EYS: variants seen among roughly 807,000 people sequenced by gnomAD.
EYS encodes EGF-like photoreceptor maintenance factor.
EYS carries 250 observed loss-of-function variants against 282.1 expected under a neutral mutation model. The observed-to-expected ratio is 0.89, with a 90% CI of 0.80 to 0.98. The LOEUF (loss-of-function observed/expected upper bound fraction) is 0.98. Ranked by LOEUF, EYS falls within the 50% of genes least tolerant of loss-of-function variation. EYS has a pLI of 0.00. For synonymous variants in EYS, 1,355 were observed against 1,282.9 expected (o/e 1.06, Z -1.20); for missense variants, 4,016 against 3,709.0 (o/e 1.08, Z -2.15).
chr6:64,558,240 CT>C (rs138993256), intron 26 of EYS, among the ~76,000 whole-genome samples: 4,601 of 152,120 alleles, frequency 0.03, 152 homozygotes, highest in East Asian at 0.11. Context: ...CATGAGCATT[CT>C]GCTTTACAAA....
At chr6:64,762,311 AG>A (rs1192313944) in intron 22 of EYS, among the ~76,000 whole-genome samples, 2 of 152,232 alleles carry the variant, frequency 1.3e-5, no homozygotes, top group African/African-American at 4.8e-5. Context: ...AGAAGGCAAA[AG>A]CTAACTACTA....
chr6:64,168,028 C>T (rs772779444), intron 31 of EYS, among the ~76,000 whole-genome samples: 31 of 152,094 alleles, frequency 2.0e-4, no homozygotes, highest in Non-Finnish European at 4.0e-4. Flanking sequence ...TTTGGGAGGC[C>T]GAGGCAGGCG....
At chr6:63,900,989 C>A (rs1031369828) in intron 35 of EYS, among the ~76,000 whole-genome samples, 1 of 152,076 alleles carries the variant, frequency 6.6e-6, no homozygotes, top group Non-Finnish European at 1.5e-5. Flanking sequence ...AAGTATGAGA[C>A]CTGCAAAGAA....
At chr6:64,196,575 T>C (rs1765293944) in intron 31 of EYS, among the ~76,000 whole-genome samples, 1 of 152,102 alleles carries the variant, frequency 6.6e-6, no homozygotes, top group Non-Finnish European at 1.5e-5. Context: ...TGAAAAATGA[T>C]GAGTTCATGT....
intron 12 of EYS, among the ~76,000 whole-genome samples, chr6:65,195,572 G>A (rs1188756815): frequency 6.6e-6 from 1 of 151,982 alleles, no homozygotes; most frequent in Non-Finnish European, 1.5e-5. Context: ...AGTAGATTGA[G>A]AAATTTTGAG....
At chr6:65,544,939 A>G (rs1339476709) in intron 2 of EYS, among the ~76,000 whole-genome samples, 1 of 152,158 alleles carries the variant, frequency 6.6e-6, no homozygotes, top group African/African-American at 2.4e-5. Context: ...AGAACTGATA[A>G]TCACAAGACA....
intron 9 of EYS, among the ~76,000 whole-genome samples, chr6:65,352,975 C>T (rs2150326759): frequency 6.6e-6 from 1 of 151,982 alleles, no homozygotes; most frequent in Admixed American, 6.6e-5. Flanking sequence ...TCTGCCATGA[C>T]ATTATTCTCT....
chr6:64,610,162 C>T (rs1277909241), intron 24 of EYS, among the ~76,000 whole-genome samples: 1 of 151,924 alleles, frequency 6.6e-6, no homozygotes, highest in Non-Finnish European at 1.5e-5. Context: ...GAAACAGGCT[C>T]AGAGAATTTT....
chr6:65,465,407 G>T lies in EYS; in HGVS notation c.862+25187C>A, dbSNP rs185726866. ...TGGGAAAATCACTTGAATCCAGGAG[G>T]TCCAGGTGGCAGTGAGCCACGATTG... On this transcript the variant is annotated intron_variant, in intron 5 of 42. Coordinates refer to ENST00000503581, the MANE Select transcript of EYS (RefSeq NM_001142800.2). Among the ~76,000 whole-genome samples the T allele has an allele frequency of 5.9e-5, 9 of 152,016 alleles. No individual in the cohort carries two copies. The East Asian group carries it at 1.7e-3, about 29-fold the overall frequency.
intron 31 of EYS, among the ~76,000 whole-genome samples, chr6:64,139,075 G>T (rs952718348): frequency 6.6e-6 from 1 of 151,910 alleles, no homozygotes; most frequent in African/African-American, 2.4e-5. Context: ...AAATAAAACA[G>T]GTACAGCATA....
intron 12 of EYS, among the ~76,000 whole-genome samples, chr6:65,233,842 T>G (rs1377301200): frequency 6.6e-6 from 1 of 152,196 alleles, no homozygotes; most frequent in Non-Finnish European, 1.5e-5. Context: ...GTTTCTACCC[T>G]GTGTTGATGG....
intron 36 of EYS, among the ~76,000 whole-genome samples, chr6:63,843,518 G>C (rs1251990860): frequency 6.6e-6 from 1 of 151,976 alleles, no homozygotes; most frequent in Non-Finnish European, 1.5e-5. Context: ...TATCTCAATA[G>C]ACGCAGAAAA....
intron 21 of EYS, among the ~76,000 whole-genome samples, chr6:64,820,474 T>G (rs942570940): frequency 6.6e-6 from 1 of 152,166 alleles, no homozygotes; most frequent in Admixed American, 6.6e-5. Context: ...ACAAGATGTA[T>G]GGTTCATTCA....
intron 29 of EYS, among the ~76,000 whole-genome samples, chr6:64,311,898 G>C (rs1449171204): frequency 6.6e-6 from 1 of 151,858 alleles, no homozygotes; most frequent in Non-Finnish European, 1.5e-5. Context: ...ACTCCCTCTG[G>C]TGCCTATGCT....
chr6:64,029,654 C>T (rs1006051624), intron 33 of EYS, among the ~76,000 whole-genome samples: 1 of 152,200 alleles, frequency 6.6e-6, no homozygotes, highest in Non-Finnish European at 1.5e-5. Context: ...CTAATCTTGA[C>T]TTTAACCTAT....
At chr6:63,870,941 C>T (rs964303770) in intron 35 of EYS, among the ~76,000 whole-genome samples, 1 of 152,076 alleles carries the variant, frequency 6.6e-6, no homozygotes, top group African/African-American at 2.4e-5. Flanking sequence ...CTCCTTCTAC[C>T]CAATCGTTGT....
chr6:63,794,123 A>G (rs998908790), intron 37 of EYS, among the ~76,000 whole-genome samples: 1 of 152,206 alleles, frequency 6.6e-6, no homozygotes, highest in African/African-American at 2.4e-5. Context: ...GGGAAATAAG[A>G]AGGGATAATA....
intron 13 of EYS, among the ~76,000 whole-genome samples, chr6:65,012,875 T>TAA (rs5876936): frequency 0.28 from 41,039 of 148,314 alleles, 7,183 homozygotes; most frequent in African/African-American, 0.49. Flanking sequence ...TTTCCTTCAA[T>TAA]AAAAAAAAAT....
intron 18 of EYS, among the ~76,000 whole-genome samples, chr6:64,890,596 C>T (rs1376059877): frequency 6.6e-6 from 1 of 152,112 alleles, no homozygotes; most frequent in Admixed American, 6.6e-5. Context: ...CCATGCCCAT[C>T]CTTCAAATGT....
Sources: gnomAD v4.1 joint callset for allele counts (sites outside exome capture counted in the v4.1 genomes callset) on GRCh38, gnomAD v4.1.1 for gene constraint, MANE v1.5 for transcripts, NCBI Gene and HGNC (gene_info 2026-07-23, HGNC 2026-07-21) for gene names.